Variants in PLEC observed in about 807,000 individuals in gnomAD.
PLEC encodes the protein plectin.
A neutral mutation model predicts 392.8 loss-of-function variants in PLEC; 216 were observed. That is an observed-to-expected ratio of 0.55 (90% CI 0.49 to 0.62). PLEC has a LOEUF of 0.62. Among genes scored for constraint, PLEC ranks in the 20% least tolerant of loss-of-function variants. PLEC has a pLI of 0.00. For synonymous variants in PLEC, 3,621 were observed against 2,980.6 expected (o/e 1.21, Z -7.00); for missense variants, 6,863 against 6,563.4 (o/e 1.05, Z -1.58).
chr8:143,966,723 G>C (rs1833114534), intron 1 of PLEC, among the ~76,000 whole-genome samples: 1 of 152,168 alleles, frequency 6.6e-6, no homozygotes, highest in African/African-American at 2.4e-5. Flanking sequence ...GACAGGGCAG[G>C]GCTCGGCTCG....
chr8:143,950,245 C>T (rs980258785), exon 1 of PLEC: 1 of 1,567,336 alleles, frequency 6.4e-7, no homozygotes, highest in Non-Finnish European at 8.7e-7. Flanking sequence ...TAGCAGGCAC[C>T]ACAGGGGTCT....
upstream of PLEC, among the ~76,000 whole-genome samples, chr8:143,952,382 A>C (rs1554737512): frequency 6.6e-6 from 1 of 152,100 alleles, no homozygotes; most frequent in Admixed American, 6.5e-5. Context: ...CAGCCTCAGG[A>C]GGTGAGGCTC....
chr8:143,953,830 G>C (rs147713970), upstream of PLEC: 6 of 1,605,174 alleles, frequency 3.7e-6, no homozygotes, highest in South Asian at 6.6e-5. Flanking sequence ...GCCCCGCACC[G>C]CACTGCCCAG....
exon 1 of PLEC, chr8:143,950,824 GGGCA>G (rs1564210796): frequency 1.7e-5 from 25 of 1,491,392 alleles, no homozygotes; most frequent in South Asian, 6.5e-5. Flanking sequence ...GGCAGCGGCA[GGGCA>G]GGCGGGCGGG....
Position 143,922,496 on chromosome 8 carries a change from G to A in PLEC, c.7425+8C>T, listed in dbSNP as rs368135449. Reference sequence around the variant, plus strand: ...CCACCCGCCCGTCGCACGTAGAGGGGGCGGTACCTCCTCAGACTTGAGCTG... The same window carrying A: ...CCACCCGCCCGTCGCACGTAGAGGGAGCGGTACCTCCTCAGACTTGAGCTG... On this transcript the variant is annotated splice_region_variant and intron_variant, in intron 31 of 31. Coordinates refer to ENST00000345136, the MANE Select transcript of PLEC (RefSeq NM_201384.3). 3.5e-5 allele frequency: 56 copies of A among 1,607,066 alleles called. No individual in the cohort carries two copies. Among genetic ancestry groups the A allele is most frequent in the Admixed American group, 3.0e-4 (18 of 60,002 alleles).
upstream of PLEC, chr8:143,944,002 G>C (rs560012071): frequency 6.6e-7 from 1 of 1,509,116 alleles, no homozygotes; most frequent in African/African-American, 1.4e-5. Flanking sequence ...CGCCGGGACC[G>C]GAGCCTGCCC....
At chr8:143,949,651 C>T (rs568742949) in intron 1 of PLEC, among the ~76,000 whole-genome samples, 7 of 152,376 alleles carry the variant, frequency 4.6e-5, no homozygotes, top group South Asian at 4.1e-4. Flanking sequence ...CGCCCAGGGC[C>T]GTCCCCAGCC....
At chr8:143,951,347 T>C (rs190145152), upstream of PLEC, among the ~76,000 whole-genome samples, 348 of 151,888 alleles carry the variant, frequency 2.3e-3, 7 homozygotes, top group African/African-American at 8.1e-3. Flanking sequence ...CGGAGAGGAC[T>C]AGGGCCTGGG....
In PLEC at chr8:143,918,606, C is replaced by T. The variant is rs547128082; in HGVS notation, c.11215G>A (p.Gly3739Arg). ...GCCTCATCCACAGTCAGCCGCTCCC[C>T]CTTCACCGGGTCCAGCAGGAAGCCT... ...ATGFLLDPVKGERLTVDEAVR... is the reference protein window; with the variant it reads ...ATGFLLDPVKRERLTVDEAVR... Residue 3739 changes from glycine (G) to arginine (R), a missense_variant, in exon 32 of 32, where the codon GGG becomes AGG. By Grantham distance (125) the Gly-to-Arg change is moderately radical. Coordinates refer to ENST00000345136, the MANE Select transcript of PLEC (RefSeq NM_201384.3). The T allele has an allele frequency of 4.3e-6, 7 of 1,612,698 alleles. No individual in the cohort carries two copies. The highest frequency in any genetic ancestry group is 5.9e-6 in the Non-Finnish European group (7 of 1,179,986).
intron 3 of PLEC, chr8:143,937,628 C>G: frequency 2.0e-6 from 1 of 501,006 alleles, no homozygotes; most frequent in South Asian, 1.6e-5. Flanking sequence ...TGACACCCAA[C>G]CACCTACCCG....
intron 16 of PLEC, 25 bp from the exon 17 acceptor site, chr8:143,932,259 G>A: frequency 6.2e-7 from 1 of 1,610,864 alleles, no homozygotes. Flanking sequence ...AAGGGTCTCA[G>A]GGACGGCCGG....
chr8:143,934,746 CT>C lies in PLEC; in HGVS notation c.946-17del, dbSNP rs1828507416. On this transcript the variant is annotated splice_polypyrimidine_tract_variant and intron_variant, in intron 9 of 31. Transcript: ENST00000345136. Reference sequence around the variant, plus strand: ...ACCACAGGATCTGCCAGGGACGAGGCTGTCGGCAACCACGCCGGGCTCTCAG... The same window carrying C: ...ACCACAGGATCTGCCAGGGACGAGGCGTCGGCAACCACGCCGGGCTCTCAG... The C allele has an allele frequency of 6.2e-7, 1 of 1,612,132 alleles. No homozygotes were observed. Among genetic ancestry groups the C allele is most frequent in the African/African-American group, 1.3e-5 (1 of 74,940 alleles).
chr8:143,935,280 C>T lies in PLEC; in HGVS notation c.636G>A (p.Arg212=), dbSNP rs782698383. 1.2e-6 allele frequency: 2 copies of T among 1,609,394 alleles called. No homozygotes were observed. The highest frequency in any genetic ancestry group is 2.2e-5 in the East Asian group (1 of 44,880). Residue 212 remains arginine (R), a synonymous_variant, in exon 7 of 32, where the codon CGG becomes CGA. Coordinates refer to ENST00000345136, the MANE Select transcript of PLEC (RefSeq NM_201384.3). ...PLLIDMNKVY[R]QTNLENLDQA... ...GGTCCAGGTTCTCCAGGTTGGTCTGCCGGTACACCTTGTTCATGTCGATGA... is the reference window on the plus strand; with the variant it reads ...GGTCCAGGTTCTCCAGGTTGGTCTGTCGGTACACCTTGTTCATGTCGATGA...
At chr8:143,948,511 T>G (rs1564205662) in intron 1 of PLEC, among the ~76,000 whole-genome samples, 1 of 152,124 alleles carries the variant, frequency 6.6e-6, no homozygotes, top group South Asian at 2.1e-4. Context: ...TAGCTTCCCA[T>G]CCCAAGCTCA....
chr8:143,959,808 A>G (rs1832784845), intron 1 of PLEC, among the ~76,000 whole-genome samples: 1 of 150,082 alleles, frequency 6.7e-6, no homozygotes, highest in African/African-American at 2.5e-5. Context: ...CATCCTGGCT[A>G]ACACAGTGAA....
chr8:143,918,029 C>A lies in PLEC; in HGVS notation c.11792G>T (p.Gly3931Val). Residue 3931 changes from glycine to valine, a missense_variant, in exon 32 of 32, where the codon GGC becomes GTC. Physicochemically the swap from Gly to Val is moderately radical, Grantham distance 109. Transcript: ENST00000345136. ...VTKNLQKFLE[G>V]TSCIAGVFVD... is the part of the protein sequence containing the mutation. ...GAAGACACCAGCGATGCAGCTGGTGCCTTCCAGGAACTTCTGCAAGTTCTT... is the reference window on the plus strand; with the variant it reads ...GAAGACACCAGCGATGCAGCTGGTGACTTCCAGGAACTTCTGCAAGTTCTT... The A allele has an allele frequency of 6.2e-7, 1 of 1,610,012 alleles. No individual in the cohort carries two copies. The highest frequency in any genetic ancestry group is 8.5e-7 in the Non-Finnish European group (1 of 1,179,178).
upstream of PLEC, among the ~76,000 whole-genome samples, chr8:143,939,966 C>T (rs886977400): frequency 1.3e-5 from 2 of 152,254 alleles, no homozygotes; most frequent in African/African-American, 4.8e-5. Flanking sequence ...CTCTTTGGAG[C>T]TCCCTCCAGG....
chr8:143,916,116 C>T lies in PLEC; in HGVS notation c.*61G>A. 1.5e-6 allele frequency: 2 copies of T among 1,308,774 alleles called. No homozygotes were observed. Among genetic ancestry groups the T allele is most frequent in the South Asian group, 3.0e-5 (2 of 66,486 alleles). The allele number at this position is 1,308,774 out of a possible 1,614,324, so 81.1% of individuals were successfully genotyped here. The stretch of plus-strand genomic sequence containing the variant: ...GACACCTTTAAGCGTTGAAAACGGC[C>T]CCCGCGCCTCGGTGGGAGCCGGGCT... On this transcript the variant is annotated 3_prime_UTR_variant, in exon 32 of 32. Coordinates refer to ENST00000345136, the MANE Select transcript of PLEC (RefSeq NM_201384.3).
chr8:143,971,751 C>T (rs973937209), intron 1 of PLEC, among the ~76,000 whole-genome samples: 1 of 152,206 alleles, frequency 6.6e-6, no homozygotes, highest in Admixed American at 6.5e-5. Context: ...CGGGCAGCTG[C>T]ACCATCACGT....
Sources: allele counts gnomAD v4.1 joint callset (sites outside exome capture counted in the v4.1 genomes callset), GRCh38; gene constraint gnomAD v4.1.1; transcripts MANE v1.5; gene names NCBI Gene and HGNC (gene_info 2026-07-23, HGNC 2026-07-21).